The following TTPA variants were observed in gnomAD, a reference collection of about 807,000 sequenced individuals.
The protein encoded by TTPA is alpha tocopherol transfer protein, also known as alpha-tocopherol transfer protein.
In TTPA, 23 loss-of-function variants were observed where a neutral mutation model predicts 25.9. The ratio of observed to expected loss-of-function variants is 0.89; its 90% CI spans 0.64 to 1.26. TTPA has a LOEUF of 1.26. Among genes scored for constraint, TTPA ranks in the 50% most tolerant of loss-of-function variants. The pLI, the probability that TTPA is intolerant of heterozygous loss-of-function variation, is 0.00. For missense variants in TTPA, 337 were observed against 353.1 expected, an observed-to-expected ratio of 0.95 and a Z score of 0.37; for synonymous variants, 148 against 137.3, an observed-to-expected ratio of 1.08 and a Z score of -0.54.
chr8:63,067,639 G>T (rs557835836), intron 2 of TTPA, among the ~76,000 whole-genome samples: 3 of 151,938 alleles, frequency 2.0e-5, no homozygotes, highest in Non-Finnish European at 2.9e-5. Flanking sequence ...TAGATTCAGG[G>T]GGTGCATGTG....
At chr8:63,078,499 G>A (rs7842218) in intron 1 of TTPA, among the ~76,000 whole-genome samples, 2 of 152,132 alleles carry the variant, frequency 1.3e-5, no homozygotes, top group Non-Finnish European at 2.9e-5. Flanking sequence ...TTAAATGACC[G>A]GATGGAACTG....
chr8:63,084,060 A>AT (rs1257964843), intron 1 of TTPA, among the ~76,000 whole-genome samples: 4 of 151,690 alleles, frequency 2.6e-5, no homozygotes, highest in South Asian at 4.2e-4. Context: ...AATTTTTGTT[A>AT]TTTTTTGTAG....
intron 1 of TTPA, among the ~76,000 whole-genome samples, chr8:63,081,545 G>C (rs1385094281): frequency 2.0e-5 from 3 of 152,148 alleles, no homozygotes; most frequent in African/African-American, 7.2e-5. Context: ...ATACTGAATG[G>C]GCCAAAACTG....
chr8:63,072,906 G>GAA (rs760779083), intron 2 of TTPA, 29 bp downstream of exon 2: 1 of 1,464,564 alleles, frequency 6.8e-7, no homozygotes, highest in Non-Finnish European at 9.3e-7. Context: ...GAGGAGAGGA[G>GAA]AAAAAAAAAA....
intron 1 of TTPA, among the ~76,000 whole-genome samples, chr8:63,074,784 G>GT (rs200044196): frequency 0.022 from 3,380 of 151,404 alleles, 123 homozygotes; most frequent in African/African-American, 0.077. Flanking sequence ...GAAATAATGT[G>GT]TTTTTTTTTC....
At chr8:63,074,625 C>G (rs1159239592) in intron 1 of TTPA, among the ~76,000 whole-genome samples, 1 of 152,214 alleles carries the variant, frequency 6.6e-6, no homozygotes, top group African/African-American at 2.4e-5. Flanking sequence ...GTGCATTTCT[C>G]TTCCTCCTCC....
intron 1 of TTPA, among the ~76,000 whole-genome samples, chr8:63,079,473 G>A (rs1245397986): frequency 6.6e-6 from 1 of 152,044 alleles, no homozygotes; most frequent in Admixed American, 6.6e-5. Flanking sequence ...TAAAGGAATG[G>A]AGGAATATCT....
intron 2 of TTPA, among the ~76,000 whole-genome samples, chr8:63,066,862 T>C (rs73684513): frequency 0.013 from 2,020 of 152,104 alleles, 39 homozygotes; most frequent in African/African-American, 0.045. Flanking sequence ...CCAAACTCAA[T>C]AGACAAAGGC....
chr8:63,085,091 G>T (rs942543758), intron 1 of TTPA, among the ~76,000 whole-genome samples: 3 of 152,176 alleles, frequency 2.0e-5, no homozygotes, highest in African/African-American at 7.2e-5. Flanking sequence ...ACTGGTTAAT[G>T]TTCAATCTTC....
rs369485325 is a variant in TTPA, at chr8:63,067,777, T to C, written c.359-1680A>G. 1.4e-4 allele frequency among the ~76,000 whole-genome samples: 22 copies of C among 152,206 alleles called. No individual in the cohort carries two copies. The East Asian group carries it at 3.7e-3, about 25-fold the overall frequency. On this transcript the variant is annotated intron_variant, in intron 2 of 4. Transcript: ENST00000260116. ...CGCTTGCTCCCCTCCCTCCCTCTCCTCTCTTGTCATCTCCAGTGTCTACTG... is the reference window on the plus strand; with the variant it reads ...CGCTTGCTCCCCTCCCTCCCTCTCCCCTCTTGTCATCTCCAGTGTCTACTG...
intron 2 of TTPA, among the ~76,000 whole-genome samples, chr8:63,070,246 A>T (rs982231065): frequency 5.9e-5 from 9 of 152,196 alleles, no homozygotes; most frequent in African/African-American, 2.2e-4. Flanking sequence ...GATCTCAAAA[A>T]ACATAAAATT....
intron 1 of TTPA, among the ~76,000 whole-genome samples, chr8:63,083,843 C>G (rs1056714665): frequency 6.6e-6 from 1 of 151,260 alleles, no homozygotes; most frequent in Admixed American, 6.6e-5. Flanking sequence ...AAGGCAAAAT[C>G]ATGTAATATC....
chr8:63,072,868 G>T, intron 2 of TTPA, 67 bp downstream of exon 2: 1 of 1,561,058 alleles, frequency 6.4e-7, no homozygotes, highest in Non-Finnish European at 8.8e-7. Flanking sequence ...AGAGAGAAGA[G>T]GAGAGGGGAG....
At chr8:63,077,422 C>T (rs1277432088) in intron 1 of TTPA, among the ~76,000 whole-genome samples, 4 of 152,170 alleles carry the variant, frequency 2.6e-5, no homozygotes, top group Non-Finnish European at 4.4e-5. Flanking sequence ...GAAGCCATGA[C>T]GGATGTACCG....
chr8:63,064,424 G>A (rs1805356947), intron 3 of TTPA, 108 bp from the exon 4 acceptor site: 1 of 764,238 alleles, frequency 1.3e-6, no homozygotes, highest in African/African-American at 1.8e-5. Context: ...AATATCTAAA[G>A]TGTGTGATTT....
intron 1 of TTPA, among the ~76,000 whole-genome samples, chr8:63,085,149 G>A (rs150875367): frequency 6.6e-6 from 1 of 152,276 alleles, no homozygotes; most frequent in African/African-American, 2.4e-5. Context: ...TAACAGATAA[G>A]GACACCAAAC....
chr8:63,077,209 G>A (rs1805576469), intron 1 of TTPA, among the ~76,000 whole-genome samples: 1 of 152,196 alleles, frequency 6.6e-6, no homozygotes, highest in Non-Finnish European at 1.5e-5. Context: ...TGGCCGAATA[G>A]GAACAGCTCC....
At chr8:63,067,771 C>G (rs1458509039) in intron 2 of TTPA, among the ~76,000 whole-genome samples, 1 of 152,094 alleles carries the variant, frequency 6.6e-6, no homozygotes, top group Non-Finnish European at 1.5e-5. Context: ...CCCTCCCTCC[C>G]TCTCCTCTCT....
intron 2 of TTPA, among the ~76,000 whole-genome samples, chr8:63,072,101 G>C (rs1370339218): frequency 6.6e-6 from 1 of 152,066 alleles, no homozygotes; most frequent in African/African-American, 2.4e-5. Context: ...CCTCGGCCTG[G>C]GGCATTTTCG....
Sources: gnomAD v4.1 joint callset for allele counts (sites outside exome capture counted in the v4.1 genomes callset) on GRCh38, gnomAD v4.1.1 for gene constraint, MANE v1.5 for transcripts, NCBI Gene and HGNC (gene_info 2026-07-23, HGNC 2026-07-21) for gene names.